EPS15: variants seen among roughly 807,000 people sequenced by gnomAD.
EPS15 encodes epidermal growth factor receptor pathway substrate 15, also known as epidermal growth factor receptor substrate 15.
EPS15 carries 72 observed loss-of-function variants against 113.8 expected under a neutral mutation model. The observed-to-expected ratio is 0.63, with a 90% CI of 0.52 to 0.77. EPS15 has a LOEUF of 0.77. EPS15 is among the 30% of genes least tolerant of loss of function. The pLI, the probability that EPS15 is intolerant of heterozygous loss-of-function variation, is 0.00. For missense variants in EPS15, 1,048 were observed against 1,045.8 expected, an observed-to-expected ratio of 1.00 and a Z score of -0.03; for synonymous variants, 344 against 363.4, an observed-to-expected ratio of 0.95 and a Z score of 0.61.
At chr1:51,508,084 A>G (rs1463233570) in intron 1 of EPS15, among the ~76,000 whole-genome samples, 4 of 151,880 alleles carry the variant, frequency 2.6e-5, no homozygotes, top group African/African-American at 9.7e-5. Context: ...CAGGAGGCTG[A>G]GGCAGGAGAA....
chr1:51,405,896 T>TA lies in EPS15; in HGVS notation c.1677+8dup, dbSNP rs201823506. 10,171 of 1,611,322 alleles carry TA rather than the reference T, an allele frequency of 6.3e-3. 582 individuals are homozygous for TA. In the African/African-American group the frequency reaches 0.12, roughly 19 times the overall value. ...TTGATTATGAAGGTTATGAAAGTAT[T>TA]AGACTCACTGGAGATTCCTGGTGTA... On this transcript the variant is annotated intron_variant, in intron 16 of 24. Coordinates refer to ENST00000371733, the MANE Select transcript of EPS15 (RefSeq NM_001981.3).
At chr1:51,435,334 T>C (rs533811612) in intron 12 of EPS15, among the ~76,000 whole-genome samples, 36 of 152,144 alleles carry the variant, frequency 2.4e-4, no homozygotes, top group African/African-American at 7.2e-4. Flanking sequence ...GCTGGGATTA[T>C]AGGCATGCGC....
chr1:51,447,966 C>A, intron 9 of EPS15, 80 bp downstream of exon 9: 1 of 1,544,266 alleles, frequency 6.5e-7, no homozygotes, highest in South Asian at 1.3e-5. Context: ...AGGTAAAATG[C>A]CTACAGATGG....
chr1:51,424,902 C>CA (rs200603476), intron 12 of EPS15, among the ~76,000 whole-genome samples: 28 of 148,228 alleles, frequency 1.9e-4, no homozygotes, highest in East Asian at 9.8e-4. Context: ...GACTCTGTCT[C>CA]AAAAAAAAAT....
intron 2 of EPS15, among the ~76,000 whole-genome samples, chr1:51,475,377 G>A (rs1318506122): frequency 6.6e-6 from 1 of 152,142 alleles, no homozygotes; most frequent in Non-Finnish European, 1.5e-5. Flanking sequence ...CATTCTAACT[G>A]GTGTGAGATG....
chr1:51,407,075 G>C (rs1649201008), intron 15 of EPS15, among the ~76,000 whole-genome samples: 1 of 152,186 alleles, frequency 6.6e-6, no homozygotes. Context: ...CTGGATTTTA[G>C]ATGTAGCTCT....
chr1:51,476,597 T>C (rs924553235), intron 2 of EPS15, among the ~76,000 whole-genome samples: 5 of 152,212 alleles, frequency 3.3e-5, no homozygotes, highest in Non-Finnish European at 7.3e-5. Context: ...TTTTCTTCTT[T>C]ATTAGTCTTG....
chr1:51,476,655 G>A (rs879554523), intron 2 of EPS15, among the ~76,000 whole-genome samples: 22 of 152,028 alleles, frequency 1.4e-4, no homozygotes, highest in Non-Finnish European at 2.4e-4. Context: ...CCAGCTCCTG[G>A]ATTCATTGAT....
At chr1:51,439,406 A>C (rs1304330547) in intron 12 of EPS15, among the ~76,000 whole-genome samples, 2 of 152,068 alleles carry the variant, frequency 1.3e-5, no homozygotes, top group Non-Finnish European at 2.9e-5. Flanking sequence ...TAACTCATTT[A>C]ATCTCCTTAT....
At chr1:51,391,493 T>A (rs1359958471) in intron 21 of EPS15, among the ~76,000 whole-genome samples, 1 of 149,794 alleles carries the variant, frequency 6.7e-6, no homozygotes, top group East Asian at 1.9e-4. Flanking sequence ...TAAAATAAAA[T>A]AAAAGATTTG....
intron 11 of EPS15, among the ~76,000 whole-genome samples, chr1:51,444,363 A>C (rs936644087): frequency 1.3e-5 from 2 of 152,198 alleles, no homozygotes; most frequent in African/African-American, 4.8e-5. Context: ...TAGCTGTTCA[A>C]ATATGAAGTT....
rs760405804 is a variant in EPS15, at chr1:51,403,406, A to C, written c.1791+13T>G. 2 of 1,455,554 alleles carry C rather than the reference A, an allele frequency of 1.4e-6. No homozygotes were observed. Among genetic ancestry groups the C allele is most frequent in the Non-Finnish European group, 9.6e-7 (1 of 1,043,444 alleles). The allele number at this position is 1,455,554 out of a possible 1,614,324, so 90.2% of individuals were successfully genotyped here. On this transcript the variant is annotated intron_variant, in intron 17 of 24. Coordinates refer to ENST00000371733, the MANE Select transcript of EPS15 (RefSeq NM_001981.3). ...TTACAAGTCCCCAATGTAAATATAAAATCATTTTTTACCTCTTTTGAATGT... is the reference window on the plus strand; with the variant it reads ...TTACAAGTCCCCAATGTAAATATAACATCATTTTTTACCTCTTTTGAATGT...
In EPS15 at chr1:51,508,314, G is replaced by GAGAGAA. The variant is rs1557536950; in HGVS notation, c.33+10879_33+10884dup. Among the ~76,000 whole-genome samples the GAGAGAA allele has an allele frequency of 7.5e-3, 880 of 117,724 alleles. 11 individuals carry two copies. The highest frequency in any genetic ancestry group is 0.026 in the African/African-American group (800 of 30,242). 77.2% of individuals were successfully genotyped at this position (117,724 alleles called of 152,430 possible). On this transcript the variant is annotated intron_variant, in intron 1 of 24. Transcript: ENST00000371733. The stretch of plus-strand genomic sequence containing the variant: ...AAAGAGAGAGAGAGAAAGAGAGAAA[G>GAGAGAA]AGAGAAAGAGAGAAAGAGAAAGAGA...
chr1:51,436,237 T>A (rs1218058860), intron 12 of EPS15, among the ~76,000 whole-genome samples: 1 of 152,144 alleles, frequency 6.6e-6, no homozygotes, highest in African/African-American at 2.4e-5. Context: ...AGAAGTGAAC[T>A]GGATTCAGTT....
chr1:51,369,946 T>A (rs1406166227), intron 21 of EPS15, among the ~76,000 whole-genome samples: 2 of 152,184 alleles, frequency 1.3e-5, no homozygotes, highest in Non-Finnish European at 2.9e-5. Flanking sequence ...TTAAGAATCG[T>A]CCAAACAAAT....
chr1:51,378,402 A>G (rs1410619395), intron 21 of EPS15, among the ~76,000 whole-genome samples: 4 of 152,022 alleles, frequency 2.6e-5, no homozygotes, highest in Admixed American at 2.0e-4. Context: ...CACACCTGTA[A>G]TCCTAGCACT....
rs1262779839 is a variant in EPS15, at chr1:51,403,441, T to C, written c.1769A>G (p.Asp590Gly). ...TACCTCTTTTGAATGTCTATTATTGTCGAGTTCAGAACAAACTTTTTCAGT... is the reference window on the plus strand; with the variant it reads ...TACCTCTTTTGAATGTCTATTATTGCCGAGTTCAGAACAAACTTTTTCAGT... Reference protein sequence around the residue: ...AVTEKVCSELDNNRHSKEEDP... With the variant: ...AVTEKVCSELGNNRHSKEEDP... Residue 590 changes from aspartate (D) to glycine (G), a missense_variant, in exon 17 of 25, where the codon GAC becomes GGC. Coordinates refer to ENST00000371733, the MANE Select transcript of EPS15 (RefSeq NM_001981.3). 1 of 1,602,538 alleles carries C rather than the reference T, an allele frequency of 6.2e-7. No individual in the cohort carries two copies. Among genetic ancestry groups the C allele is most frequent in the African/African-American group, 1.3e-5 (1 of 74,748 alleles).
chr1:51,406,222 TC>T, intron 15 of EPS15, 114 bp from the exon 16 acceptor site: 1 of 836,742 alleles, frequency 1.2e-6, no homozygotes, highest in Non-Finnish European at 1.9e-6. Context: ...ATGCCTATAA[TC>T]TCAACACTTT....
intron 1 of EPS15, among the ~76,000 whole-genome samples, chr1:51,492,024 T>C (rs992848382): frequency 6.6e-6 from 1 of 151,908 alleles, no homozygotes; most frequent in African/African-American, 2.4e-5. Flanking sequence ...AATTTTTGTA[T>C]TTTTTGTAGA....
Sources: allele counts gnomAD v4.1 joint callset (sites outside exome capture counted in the v4.1 genomes callset), GRCh38; gene constraint gnomAD v4.1.1; transcripts MANE v1.5; gene names NCBI Gene and HGNC (gene_info 2026-07-23, HGNC 2026-07-21).